The following MYEOV variants were observed in gnomAD, a reference collection of about 807,000 sequenced individuals.
MYEOV encodes the protein myeloma overexpressed, also known as myeloma-overexpressed gene protein.
A neutral mutation model predicts 4.5 loss-of-function variants in MYEOV; 4 were observed. That is an observed-to-expected ratio of 0.89 (90% CI 0.44 to 2.03). MYEOV has a LOEUF of 2.03. Ranked by LOEUF, MYEOV falls within the 30% of genes most tolerant of loss-of-function variation. MYEOV has a pLI of 0.03. For missense variants in MYEOV, 408 were observed against 412.8 expected, an observed-to-expected ratio of 0.99 and a Z score of 0.10; for synonymous variants, 184 against 170.3, an observed-to-expected ratio of 1.08 and a Z score of -0.63.
In MYEOV at chr11:69,296,158, C is replaced by G. The variant is rs1294473685; in HGVS notation, c.708C>G (p.Cys236Trp). 1 of 1,614,076 alleles carries G rather than the reference C, an allele frequency of 6.2e-7. No individual in the cohort carries two copies. ...CPDYERGRRACLTLHRHPTPH... is the reference protein window; with the variant it reads ...CPDYERGRRAWLTLHRHPTPH... Reference sequence around the variant, plus strand: ...ACTATGAAAGGGGAAGAAGAGCATGCCTGACCCTCCACCGGCACCCCACCC... The same window carrying G: ...ACTATGAAAGGGGAAGAAGAGCATGGCTGACCCTCCACCGGCACCCCACCC... The change falls in exon 3 of 3, where the codon TGC (cysteine) becomes TGG (tryptophan). Residue 236 changes from cysteine (C) to tryptophan (W), a missense_variant. Coordinates refer to ENST00000441339, the MANE Select transcript of MYEOV (RefSeq NM_001293291.2).
rs1855202729 is a variant in MYEOV at position 69,296,398 on chromosome 11, T to C, written c.*6T>C. On this transcript the variant is annotated 3_prime_UTR_variant, in exon 3 of 3. Transcript: ENST00000441339. ...TCATCATCCTCACTTGTTGAGGACG[T>C]CCTGTGTGCCAAGTGGTTTATATGC... is the stretch of plus-strand genomic sequence containing the variant. 1.4e-6 allele frequency: 2 copies of C among 1,424,088 alleles called. No homozygotes were observed. Among genetic ancestry groups the C allele is most frequent in the Admixed American group, 5.7e-5 (2 of 34,974 alleles). The allele number at this position is 1,424,088 out of a possible 1,614,324, so 88.2% of individuals were successfully genotyped here. A position where few individuals can be genotyped will look rare whatever the true frequency, so the allele number is the denominator to read the frequency against.
rs768226992 is a variant in MYEOV at position 69,295,345 on chromosome 11, C to T, written c.-10C>T. Reference sequence around the variant, plus strand: ...CACTTAGGACAGCGTCTGGCTCCTTCCCTCGGCTCATGGCCCTCAGAATCT... The same window carrying T: ...CACTTAGGACAGCGTCTGGCTCCTTTCCTCGGCTCATGGCCCTCAGAATCT... On this transcript the variant is annotated 5_prime_UTR_variant, in exon 2 of 3. Transcript: ENST00000441339. The surrounding 1 kb of genome is among the most constrained non-coding windows in gnomAD (Gnocchi z 4.1). The T allele has an allele frequency of 6.9e-6, 11 of 1,587,490 alleles. No individual in the cohort carries two copies. The Admixed American group carries it at 1.5e-4, about 21-fold the overall frequency.
At position 69,295,197 on chromosome 11, in the gene MYEOV, G is replaced by T. The variant is rs1043683894; in HGVS notation, c.-122-36G>T. The T allele has an allele frequency of 2.4e-6, 3 of 1,262,308 alleles. No individual in the cohort carries two copies. Among genetic ancestry groups the T allele is most frequent in the South Asian group, 1.5e-5 (1 of 64,760 alleles). 78.2% of individuals were successfully genotyped at this position (1,262,308 alleles called of 1,614,324 possible). On this transcript the variant is annotated intron_variant, in intron 1 of 2. Transcript: ENST00000441339. This position sits in a 1 kb window ranked among gnomAD's most constrained non-coding sequence, Gnocchi z 4.1. ...TCAAGGAGGTCAGTGCCTTCCCGGG[G>T]TGGATTACGGATGGTAGTATCTTCC... is the stretch of plus-strand genomic sequence containing the variant.
chr11:69,296,584 C>A lies in MYEOV; in HGVS notation c.*192C>A. ...CCTCTCCTCTTCCTTCTCCTTTCTC[C>A]CATTCTTCCCTGCCTCTTCCCTAAC... On this transcript the variant is annotated 3_prime_UTR_variant, in exon 3 of 3. Coordinates refer to ENST00000441339, the MANE Select transcript of MYEOV (RefSeq NM_001293291.2). 2.2e-6 allele frequency: 1 copy of A among 464,168 alleles called. No homozygotes were observed. The highest frequency in any genetic ancestry group is 3.8e-6 in the Non-Finnish European group (1 of 265,746). 28.8% of individuals were successfully genotyped at this position (464,168 alleles called of 1,614,324 possible).
chr11:69,296,416 T>A lies in MYEOV; in HGVS notation c.*24T>A. 1 of 1,367,416 alleles carries A rather than the reference T, an allele frequency of 7.3e-7. No homozygotes were observed. The highest frequency in any genetic ancestry group is 9.8e-7 in the Non-Finnish European group (1 of 1,022,422). The allele number at this position is 1,367,416 out of a possible 1,614,324, so 84.7% of individuals were successfully genotyped here. A position where few individuals can be genotyped will look rare whatever the true frequency, so the allele number is the denominator to read the frequency against. On this transcript the variant is annotated 3_prime_UTR_variant, in exon 3 of 3. Coordinates refer to ENST00000441339, the MANE Select transcript of MYEOV (RefSeq NM_001293291.2). Reference sequence around the variant, plus strand: ...GAGGACGTCCTGTGTGCCAAGTGGTTTATATGCCCAGCCTCATTTAATCCT... The same window carrying A: ...GAGGACGTCCTGTGTGCCAAGTGGTATATATGCCCAGCCTCATTTAATCCT...
At position 69,295,452 on chromosome 11, in the gene MYEOV, A is replaced by G. The variant is rs776613970; in HGVS notation, c.98A>G (p.His33Arg). 12 of 1,613,784 alleles carry G rather than the reference A, an allele frequency of 7.4e-6. No homozygotes were observed. Among genetic ancestry groups the G allele is most frequent in the African/African-American group, 1.3e-5 (1 of 74,902 alleles). ...CTGGAACAGTCTCCCTCCTGGTGTCATTGTCTCCGTGGTGTGTCCTTCCTG... is the reference window on the plus strand; with the variant it reads ...CTGGAACAGTCTCCCTCCTGGTGTCGTTGTCTCCGTGGTGTGTCCTTCCTG... ...LCLEQSPSWC[H>R]CLRGVSFLTF... The change falls in exon 2 of 3, where the codon CAT (histidine) becomes CGT (arginine). Residue 33 changes from histidine (H) to arginine (R), a missense_variant. Coordinates refer to ENST00000441339, the MANE Select transcript of MYEOV (RefSeq NM_001293291.2). This position sits in a 1 kb window ranked among gnomAD's most constrained non-coding sequence, Gnocchi z 4.1.
rs199794039 is a variant in MYEOV, at chr11:69,295,806, C to T, written c.356C>T (p.Ala119Val). 4.2e-5 allele frequency: 68 copies of T among 1,614,098 alleles called. No individual in the cohort carries two copies. The highest frequency in any genetic ancestry group is 2.3e-5 in the Non-Finnish European group (27 of 1,180,028). The change falls in exon 3 of 3, where the codon GCG (alanine) becomes GTG (valine). Residue 119 changes from alanine to valine, a missense_variant. Coordinates refer to ENST00000441339, the MANE Select transcript of MYEOV (RefSeq NM_001293291.2). The surrounding 1 kb of genome is among the most constrained non-coding windows in gnomAD (Gnocchi z 4.1). ...NKGDKGAQTGAGLSQEAEDVD... is the reference protein window; with the variant it reads ...NKGDKGAQTGVGLSQEAEDVD... ...GGAGACAAGGGTGCCCAGACAGGTG[C>T]GGGGCTCAGCCAGGAGGCAGAAGAC...
rs541673858 is a variant in MYEOV, at chr11:69,295,501, G to T, written c.141+6G>T. ...TGACCTTCCACCTCCACCAGGTGCC[G>T]ACACTTCCCTGACCCCAGTAACCTC... On this transcript the variant is annotated splice_donor_region_variant and intron_variant, in intron 2 of 2. Transcript: ENST00000441339. This position sits in a 1 kb window ranked among gnomAD's most constrained non-coding sequence, Gnocchi z 4.1. 2 of 1,613,988 alleles carry T rather than the reference G, an allele frequency of 1.2e-6. No individual in the cohort carries two copies. Among genetic ancestry groups the T allele is most frequent in the Admixed American group, 1.7e-5 (1 of 60,016 alleles).
In MYEOV at chr11:69,295,678, C is replaced by T. The variant is rs1259283482; in HGVS notation, c.228C>T (p.Ser76=). 6.2e-7 allele frequency: 1 copy of T among 1,614,158 alleles called. No homozygotes were observed. Among genetic ancestry groups the T allele is most frequent in the Admixed American group, 1.7e-5 (1 of 60,034 alleles). Residue 76 remains serine (S), a synonymous_variant, in exon 3 of 3, where the codon TCC becomes TCT. Coordinates refer to ENST00000441339, the MANE Select transcript of MYEOV (RefSeq NM_001293291.2). The surrounding 1 kb of genome is among the most constrained non-coding windows in gnomAD (Gnocchi z 4.1). The part of the protein sequence containing the change: ...HFVEGSKAGR[S]RGRLCLSQAL... ...TGGAGGGCTCCAAAGCCGGCAGATC[C>T]CGGGGCCGCCTCTGTCTCTCCCAGG... is the stretch of plus-strand genomic sequence containing the variant.
Position 69,296,446 on chromosome 11 carries a change from A to T in MYEOV, c.*54A>T. The T allele has an allele frequency of 8.6e-7, 1 of 1,160,842 alleles. No individual in the cohort carries two copies. Among genetic ancestry groups the T allele is most frequent in the East Asian group, 2.6e-5 (1 of 38,262 alleles). The allele number at this position is 1,160,842 out of a possible 1,614,324, so 71.9% of individuals were successfully genotyped here. A position where few individuals can be genotyped will look rare whatever the true frequency, so the allele number is the denominator to read the frequency against. Reference sequence around the variant, plus strand: ...TGCCCAGCCTCATTTAATCCTCAGAATGACTCCATGAGGTAGCTACTAAAA... The same window carrying T: ...TGCCCAGCCTCATTTAATCCTCAGATTGACTCCATGAGGTAGCTACTAAAA... On this transcript the variant is annotated 3_prime_UTR_variant, in exon 3 of 3. Transcript: ENST00000441339.
In MYEOV at chr11:69,295,259, T is replaced by C. The variant is rs1855148481; in HGVS notation, c.-96T>C. ...GTCCATTCAGGAGCAGGAAAGTTCATCTCAGACCCTAAATCCAGCCACGTC... is the reference window on the plus strand; with the variant it reads ...GTCCATTCAGGAGCAGGAAAGTTCACCTCAGACCCTAAATCCAGCCACGTC... On this transcript the variant is annotated 5_prime_UTR_variant, in exon 2 of 3. Coordinates refer to ENST00000441339, the MANE Select transcript of MYEOV (RefSeq NM_001293291.2). The surrounding 1 kb of genome is among the most constrained non-coding windows in gnomAD (Gnocchi z 4.1). The C allele has an allele frequency of 2.0e-6, 3 of 1,491,624 alleles. No individual in the cohort carries two copies. Among genetic ancestry groups the C allele is most frequent in the Non-Finnish European group, 2.7e-6 (3 of 1,114,748 alleles). The allele number at this position is 1,491,624 out of a possible 1,614,324, so 92.4% of individuals were successfully genotyped here. A position where few individuals can be genotyped will look rare whatever the true frequency, so the allele number is the denominator to read the frequency against.
In MYEOV at chr11:69,295,618, G is replaced by A. The variant is rs375533191; in HGVS notation, c.168G>A (p.Ser56=). ...HQSVPLGDRD[S]LLMFTRQAGH... The stretch of plus-strand genomic sequence containing the variant: ...CTGTCCCCCTTGGGGACAGGGACTC[G>A]TTGCTCATGTTCACCCGGCAGGCTG... The change falls in exon 3 of 3, where the codon TCG becomes TCA. Residue 56 remains serine, a synonymous_variant. Coordinates refer to ENST00000441339, the MANE Select transcript of MYEOV (RefSeq NM_001293291.2). The surrounding 1 kb of genome is among the most constrained non-coding windows in gnomAD (Gnocchi z 4.1). 44 of 1,613,762 alleles carry A rather than the reference G, an allele frequency of 2.7e-5. No individual in the cohort carries two copies. Among genetic ancestry groups the A allele is most frequent in the Middle Eastern group, 1.6e-4 (1 of 6,082 alleles).
chr11:69,296,257 G>C lies in MYEOV; in HGVS notation c.807G>C (p.Leu269=). Residue 269 remains leucine, a synonymous_variant, in exon 3 of 3, where the codon CTG becomes CTC. Transcript: ENST00000441339. ...TGACTGTTGTGACTGTTGAGGCCCT[G>C]GGGGGGTGGCGCATGGGAGTTAGGA... The part of the protein sequence containing the change: ...SWLTVVTVEA[L]GGWRMGVRRT... The C allele has an allele frequency of 1.3e-6, 2 of 1,585,514 alleles. No individual in the cohort carries two copies. Among genetic ancestry groups the C allele is most frequent in the Non-Finnish European group, 1.7e-6 (2 of 1,164,928 alleles).
At position 69,295,171 on chromosome 11, in the gene MYEOV, G is replaced by A. The variant is rs1171666432; in HGVS notation, c.-122-62G>A. On this transcript the variant is annotated intron_variant, in intron 1 of 2. Coordinates refer to ENST00000441339, the MANE Select transcript of MYEOV (RefSeq NM_001293291.2). The surrounding 1 kb of genome is among the most constrained non-coding windows in gnomAD (Gnocchi z 4.1). Reference sequence around the variant, plus strand: ...GCGGCGGCCTCTCATCCTCCCCATGGTCAAGGAGGTCAGTGCCTTCCCGGG... The same window carrying A: ...GCGGCGGCCTCTCATCCTCCCCATGATCAAGGAGGTCAGTGCCTTCCCGGG... 2.0e-6 allele frequency: 2 copies of A among 1,020,834 alleles called. No individual in the cohort carries two copies. The highest frequency in any genetic ancestry group is 1.6e-5 in the African/African-American group (1 of 61,354). 63.2% of individuals were successfully genotyped at this position (1,020,834 alleles called of 1,614,324 possible).
At position 69,296,273 on chromosome 11, in the gene MYEOV, G is replaced by C. The variant is rs377642399; in HGVS notation, c.823G>C (p.Gly275Arg). The change falls in exon 3 of 3, where the codon GGA becomes CGA. Residue 275 changes from glycine (G) to arginine (R), a missense_variant. Physicochemically the swap from Gly to Arg is moderately radical, Grantham distance 125. Transcript: ENST00000441339. ...TVEALGGWRM[G>R]VRRTGQVGPT... is the part of the protein sequence containing the mutation. ...TGAGGCCCTGGGGGGGTGGCGCATG[G>C]GAGTTAGGAGGACTGGCCAGGTGGG... 5 of 1,572,428 alleles carry C rather than the reference G, an allele frequency of 3.2e-6. No individual in the cohort carries two copies. Among genetic ancestry groups the C allele is most frequent in the Non-Finnish European group, 4.3e-6 (5 of 1,156,736 alleles).
rs754900328 is a variant in MYEOV, at chr11:69,295,696, C to T, written c.246C>T (p.Leu82=). Residue 82 remains leucine, a synonymous_variant, in exon 3 of 3, where the codon CTC becomes CTT. Transcript: ENST00000441339. This position sits in a 1 kb window ranked among gnomAD's most constrained non-coding sequence, Gnocchi z 4.1. ...GCAGATCCCGGGGCCGCCTCTGTCTCTCCCAGGCCCTGCGTGTTGCGGTGA... is the reference window on the plus strand; with the variant it reads ...GCAGATCCCGGGGCCGCCTCTGTCTTTCCCAGGCCCTGCGTGTTGCGGTGA... ...KAGRSRGRLC[L]SQALRVAVRG... is the part of the protein sequence containing the mutation. 6.2e-7 allele frequency: 1 copy of T among 1,614,206 alleles called. No individual in the cohort carries two copies. The highest frequency in any genetic ancestry group is 1.3e-5 in the African/African-American group (1 of 75,054).
rs1855146305 is a variant in MYEOV at position 69,295,190 on chromosome 11, T to TC, written c.-122-40dup. The TC allele has an allele frequency of 1.6e-6, 2 of 1,225,264 alleles. No individual in the cohort carries two copies. The highest frequency in any genetic ancestry group is 5.5e-5 in the Admixed American group (2 of 36,584). The allele number at this position is 1,225,264 out of a possible 1,614,324, so 75.9% of individuals were successfully genotyped here. A position where few individuals can be genotyped will look rare whatever the true frequency, so the allele number is the denominator to read the frequency against. On this transcript the variant is annotated intron_variant, in intron 1 of 2. Coordinates refer to ENST00000441339, the MANE Select transcript of MYEOV (RefSeq NM_001293291.2). This position sits in a 1 kb window ranked among gnomAD's most constrained non-coding sequence, Gnocchi z 4.1. The stretch of plus-strand genomic sequence containing the variant: ...CCCATGGTCAAGGAGGTCAGTGCCT[T>TC]CCCGGGGTGGATTACGGATGGTAGT...
At position 69,295,868 on chromosome 11, in the gene MYEOV, C is replaced by T. The variant is rs755397592; in HGVS notation, c.418C>T (p.Pro140Ser). 35 of 1,614,152 alleles carry T rather than the reference C, an allele frequency of 2.2e-5. No individual in the cohort carries two copies. Among genetic ancestry groups the T allele is most frequent in the Non-Finnish European group, 3.0e-5 (35 of 1,180,026 alleles). The change falls in exon 3 of 3, where the codon CCA becomes TCA. Residue 140 changes from proline (P) to serine (S), a missense_variant. Pro to Ser is a moderately conservative substitution (Grantham distance 74, BLOSUM62 -1). Transcript: ENST00000441339. This position sits in a 1 kb window ranked among gnomAD's most constrained non-coding sequence, Gnocchi z 4.1. ...CCGGGCCAGGAGGGTCACAGATGCA[C>T]CACAAGGCACTCTGTGTGGCACTGG... ...VSRARRVTDA[P>S]QGTLCGTGNR...
At chr11:69,294,977 G>A (rs970318318) in intron 1 of MYEOV, among the ~76,000 whole-genome samples, 1 of 152,194 alleles carries the variant, frequency 6.6e-6, no homozygotes, top group Non-Finnish European at 1.5e-5. Context: ...GAGGACCACT[G>A]TGCCTGGAGT....
Sources: allele counts gnomAD v4.1 joint callset (sites outside exome capture counted in the v4.1 genomes callset), GRCh38; gene constraint gnomAD v4.1.1; non-coding constraint Gnocchi (gnomAD v3.1); transcripts MANE v1.5; gene names NCBI Gene and HGNC (gene_info 2026-07-23, HGNC 2026-07-21).